ZNF215: variants seen among roughly 807,000 people sequenced by gnomAD.
ZNF215 encodes BWSCR2-associated zinc finger protein 2.
In ZNF215, 24 loss-of-function variants were observed where a neutral mutation model predicts 27.2. That is an observed-to-expected ratio of 0.88 (90% CI 0.64 to 1.24). The LOEUF is 1.24. ZNF215 is among the 50% of genes most tolerant of loss of function. The pLI, the probability that ZNF215 is intolerant of heterozygous loss-of-function variation, is 0.00. For missense variants in ZNF215, 675 were observed against 605.7 expected (o/e 1.11, Z -1.20); for synonymous variants, 210 against 204.0 (o/e 1.03, Z -0.25).
downstream of ZNF215, among the ~76,000 whole-genome samples, chr11:6,993,428 A>G (rs1363339017): frequency 6.6e-6 from 1 of 152,142 alleles, no homozygotes; most frequent in Non-Finnish European, 1.5e-5. Context: ...CTATTTCTAA[A>G]TACTGCACTA....
At chr11:6,974,927 A>G (rs548338763) in intron 5 of ZNF215, among the ~76,000 whole-genome samples, 3 of 149,002 alleles carry the variant, frequency 2.0e-5, no homozygotes, top group Admixed American at 6.7e-5. Context: ...TTCCAACACT[A>G]TGTTGAATAG....
chr11:6,966,366 C>A (rs1452264024), intron 5 of ZNF215, among the ~76,000 whole-genome samples: 3 of 152,004 alleles, frequency 2.0e-5, no homozygotes, highest in Non-Finnish European at 4.4e-5. Context: ...GGAAAAACTA[C>A]CCATCAGGTA....
In ZNF215 at chr11:6,955,830, C is replaced by T. The variant is rs1191408367; in HGVS notation, c.853C>T (p.Pro285Ser). ...RNQKKWDINL[P>S]QEAFIPETIY... ...CCAGAAAAAATGGGACATAAATTTG[C>T]CACAAGAGGCTTTCATTCCTGAGAC... Residue 285 changes from proline (P) to serine (S), a missense_variant, in exon 7 of 7, where the codon CCA becomes TCA. Physicochemically the swap from Pro to Ser is moderately conservative, Grantham distance 74. Coordinates refer to ENST00000278319, the MANE Select transcript of ZNF215 (RefSeq NM_013250.4). 6.2e-7 allele frequency: 1 copy of T among 1,613,398 alleles called. No homozygotes were observed. The highest frequency in any genetic ancestry group is 2.2e-5 in the East Asian group (1 of 44,874).
chr11:6,960,923 A>G (rs1248262668), downstream of ZNF215, among the ~76,000 whole-genome samples: 1 of 152,094 alleles, frequency 6.6e-6, no homozygotes, highest in Admixed American at 6.6e-5. Context: ...TCTTCTCTCT[A>G]TGGTATGTCA....
chr11:6,959,834 A>G (rs980494841), downstream of ZNF215, among the ~76,000 whole-genome samples: 3 of 152,198 alleles, frequency 2.0e-5, no homozygotes, highest in Admixed American at 6.5e-5. Flanking sequence ...ACATAGTGTG[A>G]TACTAGTCTA....
At chr11:6,954,737 C>T (rs1015898013) in intron 6 of ZNF215, among the ~76,000 whole-genome samples, 1 of 152,176 alleles carries the variant, frequency 6.6e-6, no homozygotes, top group Non-Finnish European at 1.5e-5. Context: ...GTGCACTGCA[C>T]CCACTGTCCT....
At chr11:6,928,884 C>T (rs1474575825) in intron 2 of ZNF215, among the ~76,000 whole-genome samples, 1 of 152,132 alleles carries the variant, frequency 6.6e-6, no homozygotes, top group African/African-American at 2.4e-5. Flanking sequence ...GAGGCCAGAT[C>T]AGGAGGGTCG....
At chr11:6,945,956 G>A (rs2857885) in intron 6 of ZNF215, among the ~76,000 whole-genome samples, 29,797 of 152,068 alleles carry the variant, frequency 0.2, 3,030 homozygotes, top group Middle Eastern at 0.24. Context: ...CCATGAAACT[G>A]AAGTCTGATT....
chr11:6,936,440 A>G (rs1335270233), intron 3 of ZNF215, among the ~76,000 whole-genome samples: 1 of 152,084 alleles, frequency 6.6e-6, no homozygotes, highest in Non-Finnish European at 1.5e-5. Flanking sequence ...CTGACTGAAG[A>G]AGAAATAGAA....
At position 6,955,738 on chromosome 11, in the gene ZNF215, C is replaced by T; in HGVS notation, c.761C>T (p.Thr254Ile). 1 of 1,600,524 alleles carries T rather than the reference C, an allele frequency of 6.2e-7. No individual in the cohort carries two copies. The highest frequency in any genetic ancestry group is 2.2e-5 in the East Asian group (1 of 44,828). The change falls in exon 7 of 7, where the codon ACA becomes ATA. Residue 254 changes from threonine to isoleucine, a missense_variant. Transcript: ENST00000278319. ...GEESSHGVIM[T>I]RLTESGHPSS... Reference sequence around the variant, plus strand: ...GAATCATCCCATGGAGTGATTATGACAAGGCTTACCGAAAGTGGACACCCT... The same window carrying T: ...GAATCATCCCATGGAGTGATTATGATAAGGCTTACCGAAAGTGGACACCCT...
downstream of ZNF215, among the ~76,000 whole-genome samples, chr11:6,961,789 C>G (rs374197536): frequency 2.3e-4 from 35 of 152,132 alleles, no homozygotes; most frequent in South Asian, 6.2e-4. Flanking sequence ...CATTTTTTTC[C>G]ACCATAACTA....
chr11:6,950,810 C>T (rs1850024510), intron 6 of ZNF215, among the ~76,000 whole-genome samples: 1 of 147,204 alleles, frequency 6.8e-6, no homozygotes, highest in Admixed American at 6.8e-5. Flanking sequence ...TGTCTTGTGC[C>T]AATTTTCAAA....
chr11:6,979,015 T>C (rs1468050020), intron 5 of ZNF215, among the ~76,000 whole-genome samples: 4 of 152,038 alleles, frequency 2.6e-5, no homozygotes, highest in African/African-American at 9.7e-5. Flanking sequence ...ATAATAAAAT[T>C]ACCGTGTCCC....
At chr11:6,977,994 C>CT (rs1208933463) in intron 5 of ZNF215, among the ~76,000 whole-genome samples, 2 of 152,062 alleles carry the variant, frequency 1.3e-5, no homozygotes, top group Non-Finnish European at 2.9e-5. Flanking sequence ...CGGGAAAAGG[C>CT]AATAGCTCAC....
At chr11:6,954,127 G>A (rs1850212865) in intron 6 of ZNF215, among the ~76,000 whole-genome samples, 1 of 152,198 alleles carries the variant, frequency 6.6e-6, no homozygotes, top group Non-Finnish European at 1.5e-5. Context: ...GGCCGTGTGA[G>A]ATGTCAGTCT....
At chr11:6,954,339 G>A (rs921986907) in intron 6 of ZNF215, among the ~76,000 whole-genome samples, 1 of 152,252 alleles carries the variant, frequency 6.6e-6, no homozygotes, top group Admixed American at 6.5e-5. Context: ...TGCCCCCAGA[G>A]GTGGAGCCTA....
chr11:6,960,948 T>C (rs1422699464), downstream of ZNF215, among the ~76,000 whole-genome samples: 5 of 152,170 alleles, frequency 3.3e-5, no homozygotes, highest in Non-Finnish European at 7.4e-5. Context: ...AGTTTTGTTA[T>C]TAGCTGTAGG....
chr11:6,982,931 G>A (rs1188267957), intron 5 of ZNF215, among the ~76,000 whole-genome samples: 1 of 150,676 alleles, frequency 6.6e-6, no homozygotes, highest in Non-Finnish European at 1.5e-5. Context: ...AGGAAATAGA[G>A]ACACAAAAAA....
rs751369345 is a variant in ZNF215, at chr11:6,932,387, G to A, written c.115G>A (p.Val39Met). 25 of 1,614,036 alleles carry A rather than the reference G, an allele frequency of 1.5e-5. No homozygotes were observed. The highest frequency in any genetic ancestry group is 1.2e-4 in the African/African-American group (9 of 74,904). ...MSWQQETNPV[V>M]ETHDSEASRQ... ...TTGGCAGCAGGAAACCAACCCCGTC[G>A]TGGAGACACATGACTCTGAGGCATC... is the stretch of plus-strand genomic sequence containing the variant. The change falls in exon 3 of 7, where the codon GTG (valine) becomes ATG (methionine). Residue 39 changes from valine (V) to methionine (M), a missense_variant. Physicochemically the swap from Val to Met is conservative, Grantham distance 21 (BLOSUM62 1). Coordinates refer to ENST00000278319, the MANE Select transcript of ZNF215 (RefSeq NM_013250.4).
Sources: gnomAD v4.1 joint callset for allele counts (sites outside exome capture counted in the v4.1 genomes callset) on GRCh38, gnomAD v4.1.1 for gene constraint, MANE v1.5 for transcripts, NCBI Gene and HGNC (gene_info 2026-07-23, HGNC 2026-07-21) for gene names.